RMDN2: variants seen among roughly 807,000 people sequenced by gnomAD.
RMDN2 encodes regulator of microtubule dynamics protein 2.
A neutral mutation model predicts 52.8 loss-of-function variants in RMDN2; 61 were observed. That is an observed-to-expected ratio of 1.16 (90% CI 0.94 to 1.43). RMDN2 has a LOEUF of 1.43. RMDN2 is among the 40% of genes most tolerant of loss of function. The probability of loss-of-function intolerance (pLI) is 0.00; values close to 1 mark genes in which losing one functional copy is unlikely to be tolerated. For synonymous variants in RMDN2, 180 were observed against 153.1 expected, an observed-to-expected ratio of 1.18 and a Z score of -1.30; for missense variants, 592 against 475.3, an observed-to-expected ratio of 1.25 and a Z score of -2.28.
exon 11 of RMDN2, chr2:38,067,019 C>G: frequency 6.2e-7 from 1 of 1,612,102 alleles, no homozygotes. Context: ...TTTGGTACCG[C>G]AAGCCCTGTC....
chr2:37,951,840 C>G lies in RMDN2; in HGVS notation c.452+22111C>G, dbSNP rs371278815. On this transcript the variant is annotated intron_variant, in intron 2 of 10. Transcript: ENST00000354545. ...GAACACTATTGATACAGCCTCCTAT[C>G]AACAAAGCACATCATCCTTCTTTTC... 1.1e-5 allele frequency: 18 copies of G among 1,613,538 alleles called. 1 individual carries two copies. The African/African-American group carries it at 1.9e-4, about 17-fold the overall frequency.
downstream of RMDN2, among the ~76,000 whole-genome samples, chr2:38,018,909 T>C (rs528828347): frequency 2.0e-5 from 3 of 152,208 alleles, no homozygotes; most frequent in African/African-American, 7.2e-5. Flanking sequence ...CACACACACA[T>C]TTATACACTT....
At chr2:37,950,699 C>A in intron 2 of RMDN2, 1 of 1,106,284 alleles carries the variant, frequency 9.0e-7, no homozygotes, top group Non-Finnish European at 1.4e-6. Context: ...ACTGGATATC[C>A]TGGACTGTCC....
At chr2:37,935,735 T>G (rs956570573) in intron 2 of RMDN2, among the ~76,000 whole-genome samples, 2 of 152,162 alleles carry the variant, frequency 1.3e-5, no homozygotes, top group Admixed American at 6.5e-5. Context: ...GGCACACACA[T>G]TTTGTAACAT....
At position 37,963,702 on chromosome 2, in the gene RMDN2, C is replaced by G. The variant is rs185057185; in HGVS notation, c.453-10338C>G. Among the ~76,000 whole-genome samples the G allele has an allele frequency of 1.8e-3, 269 of 152,326 alleles. 1 individual carries two copies. In the East Asian group the frequency reaches 0.044, roughly 25 times the overall value. On this transcript the variant is annotated intron_variant, in intron 2 of 10. Coordinates refer to ENST00000354545, the MANE Select transcript of RMDN2 (RefSeq NM_001170791.3). ...CTTAGTACAGAACAAAATGGAGTCT[C>G]CTATGTCTACTTCTTTCTACACAGA...
intron 2 of RMDN2, among the ~76,000 whole-genome samples, chr2:37,934,513 A>G (rs954270063): frequency 6.6e-6 from 1 of 151,940 alleles, no homozygotes; most frequent in African/African-American, 2.4e-5. Flanking sequence ...CTTCTTGGTA[A>G]TCACATGTTG....
chr2:38,054,088 C>T (rs1409359011), intron 10 of RMDN2, among the ~76,000 whole-genome samples: 2 of 152,224 alleles, frequency 1.3e-5, no homozygotes. Flanking sequence ...ATGCCCCACA[C>T]TCTGAACACT....
At chr2:38,023,695 T>C (rs1403008951) in intron 10 of RMDN2, among the ~76,000 whole-genome samples, 1 of 152,232 alleles carries the variant, frequency 6.6e-6, no homozygotes, top group Non-Finnish European at 1.5e-5. Flanking sequence ...AAGTTCATAC[T>C]TGAAGTACTG....
intron 8 of RMDN2, 96 bp from the exon 9 acceptor site, chr2:38,003,895 A>G (rs977023099): frequency 1.0e-6 from 1 of 983,672 alleles, no homozygotes; most frequent in South Asian, 1.4e-5. Context: ...AGTTTGGTTC[A>G]TAATATTTGA....
At chr2:37,937,634 TA>T (rs1237515356) in intron 2 of RMDN2, among the ~76,000 whole-genome samples, 1 of 152,238 alleles carries the variant, frequency 6.6e-6, no homozygotes, top group Non-Finnish European at 1.5e-5. Context: ...GTTGTATTCC[TA>T]GGTATTTTAT....
chr2:37,956,394 C>T (rs1280679743), intron 2 of RMDN2, among the ~76,000 whole-genome samples: 1 of 151,774 alleles, frequency 6.6e-6, no homozygotes, highest in East Asian at 1.9e-4. Flanking sequence ...AGTAATGTCC[C>T]CTCTTTCATT....
intron 8 of RMDN2, among the ~76,000 whole-genome samples, chr2:37,999,077 T>C (rs1675961828): frequency 6.6e-6 from 1 of 152,200 alleles, no homozygotes; most frequent in African/African-American, 2.4e-5. Flanking sequence ...AAAGTTATAA[T>C]TGAGGAGCAG....
intron 10 of RMDN2, among the ~76,000 whole-genome samples, chr2:38,039,859 A>G (rs968040210): frequency 2.4e-4 from 36 of 152,208 alleles, no homozygotes; most frequent in African/African-American, 7.5e-4. Flanking sequence ...AAAGGTACCC[A>G]GGACAGTGTC....
intron 10 of RMDN2, among the ~76,000 whole-genome samples, chr2:38,038,927 A>G (rs764515421): frequency 6.6e-6 from 1 of 151,982 alleles, no homozygotes; most frequent in Non-Finnish European, 1.5e-5. Flanking sequence ...GTTCCCATAG[A>G]GGTGTACCGC....
chr2:38,027,880 C>G (rs948037087), intron 10 of RMDN2, among the ~76,000 whole-genome samples: 2 of 152,190 alleles, frequency 1.3e-5, no homozygotes, highest in Non-Finnish European at 2.9e-5. Context: ...AATTGGACTG[C>G]CACTCTCAGA....
At chr2:38,065,101 T>G in intron 10 of RMDN2, among the ~76,000 whole-genome samples, 1 of 152,126 alleles carries the variant, frequency 6.6e-6, no homozygotes, top group East Asian at 1.9e-4. Flanking sequence ...CAGGTATCTA[T>G]TCCCAAGAGA....
At chr2:37,959,917 C>G (rs528649970) in intron 2 of RMDN2, among the ~76,000 whole-genome samples, 1 of 145,002 alleles carries the variant, frequency 6.9e-6, no homozygotes, top group Admixed American at 6.7e-5. Flanking sequence ...AGTAGTGATT[C>G]AGGAGCATGT....
At chr2:37,984,159 A>G (rs186004092) in intron 5 of RMDN2, among the ~76,000 whole-genome samples, 22 of 152,330 alleles carry the variant, frequency 1.4e-4, no homozygotes, top group Admixed American at 1.4e-3. Context: ...ACTTAGTTTT[A>G]TCTCTATCTT....
downstream of RMDN2, among the ~76,000 whole-genome samples, chr2:38,019,189 A>G (rs981396792): frequency 6.6e-6 from 1 of 152,238 alleles, no homozygotes; most frequent in Non-Finnish European, 1.5e-5. Context: ...AGCTAGCACC[A>G]AATGACATAG....
Sources: gnomAD v4.1 joint callset for allele counts (sites outside exome capture counted in the v4.1 genomes callset) on GRCh38, gnomAD v4.1.1 for gene constraint, MANE v1.5 for transcripts, NCBI Gene and HGNC (gene_info 2026-07-23, HGNC 2026-07-21) for gene names.